Variants in KIF13A observed in about 807,000 individuals in gnomAD.
KIF13A encodes kinesin-like protein KIF13A.
In KIF13A, 79 loss-of-function variants were observed where a neutral mutation model predicts 212.2. That is an observed-to-expected ratio of 0.37 (90% CI 0.31 to 0.45). The LOEUF (loss-of-function observed/expected upper bound fraction) is 0.45. Ranked by LOEUF, KIF13A falls within the 20% of genes least tolerant of loss-of-function variation. The pLI is 1.00. For synonymous variants in KIF13A, 789 were observed against 808.6 expected, an observed-to-expected ratio of 0.98 and a Z score of 0.41; for missense variants, 1,901 against 2,209.0, an observed-to-expected ratio of 0.86 and a Z score of 2.79.
In KIF13A at chr6:17,789,829, G is replaced by A; in HGVS notation, c.3261+43C>T. 1 of 1,567,604 alleles carries A rather than the reference G, an allele frequency of 6.4e-7. No individual in the cohort carries two copies. Among genetic ancestry groups the A allele is most frequent in the Non-Finnish European group, 8.8e-7 (1 of 1,140,680 alleles). ...GCTTTGCGAATGCTGGCAATTAGCA[G>A]TAGCTGTGCCCCATGCCACAGGATT... On this transcript the variant is annotated intron_variant, in intron 26 of 38. Transcript: ENST00000259711. The surrounding 1 kb of genome is among the most constrained non-coding windows in gnomAD (Gnocchi z 4.8).
chr6:17,862,576 G>C (rs1182015826), intron 4 of KIF13A, among the ~76,000 whole-genome samples: 1 of 152,140 alleles, frequency 6.6e-6, no homozygotes, highest in East Asian at 1.9e-4. Context: ...GCTGAGGTGG[G>C]AGGATCTCTT....
intron 17 of KIF13A, among the ~76,000 whole-genome samples, chr6:17,813,942 GTGC>G (rs1338242414): frequency 7.4e-4 from 106 of 143,064 alleles, no homozygotes; most frequent in Middle Eastern, 3.6e-3. Context: ...TAGATGTAAG[GTGC>G]TGCTTTTTTT....
intron 2 of KIF13A, among the ~76,000 whole-genome samples, chr6:17,937,379 C>T (rs777131125): frequency 6.6e-5 from 10 of 152,268 alleles, no homozygotes; most frequent in South Asian, 2.1e-4. Context: ...GCATTGATCT[C>T]GGCAGTGATC....
In KIF13A at chr6:17,786,291, C is replaced by T. The variant is rs996526212; in HGVS notation, c.3362-650G>A. Among the ~76,000 whole-genome samples, 2 of 152,080 alleles carry T rather than the reference C, an allele frequency of 1.3e-5. No homozygotes were observed. The highest frequency in any genetic ancestry group is 4.8e-5 in the African/African-American group (2 of 41,424). On this transcript the variant is annotated intron_variant, in intron 27 of 38. Transcript: ENST00000259711. This position sits in a 1 kb window ranked among gnomAD's most constrained non-coding sequence, Gnocchi z 5.4. ...CTTTATAGAACTATACATGATGTTA[C>T]AAAGACAGGATTAAAAAACACCATA...
At chr6:17,759,650 T>C (rs1758501199), downstream of KIF13A, 1 of 152,220 alleles carries the variant, frequency 6.6e-6, no homozygotes, top group Non-Finnish European at 1.5e-5. Context: ...TGTAGGAGAA[T>C]TTTACAAATG....
chr6:17,936,797 T>C (rs543448812), intron 2 of KIF13A, among the ~76,000 whole-genome samples: 16 of 152,176 alleles, frequency 1.1e-4, no homozygotes, highest in Non-Finnish European at 2.1e-4. Context: ...GAAATTTCTA[T>C]AAAGCAGATT....
In KIF13A at chr6:17,785,893, G is replaced by A. The variant is rs754775298; in HGVS notation, c.3362-252C>T. On this transcript the variant is annotated intron_variant, in intron 27 of 38. Transcript: ENST00000259711. This position sits in a 1 kb window ranked among gnomAD's most constrained non-coding sequence, Gnocchi z 5.8. ...CATCACATTACTGTACTAAAGCCTGGGCAACAGACAAGAGACCCTGTCTCA... is the reference window on the plus strand; with the variant it reads ...CATCACATTACTGTACTAAAGCCTGAGCAACAGACAAGAGACCCTGTCTCA... Among the ~76,000 whole-genome samples the A allele has an allele frequency of 5.9e-5, 9 of 152,004 alleles. No homozygotes were observed. Among genetic ancestry groups the A allele is most frequent in the Non-Finnish European group, 1.0e-4 (7 of 68,010 alleles).
At position 17,777,080 on chromosome 6, in the gene KIF13A, A is replaced by G. The variant is rs1390137173; in HGVS notation, c.4170+197T>C. 2.0e-5 allele frequency among the ~76,000 whole-genome samples: 3 copies of G among 152,212 alleles called. No individual in the cohort carries two copies. The highest frequency in any genetic ancestry group is 3.9e-4 in the East Asian group (2 of 5,192). On this transcript the variant is annotated intron_variant, in intron 34 of 38. Transcript: ENST00000259711. The surrounding 1 kb of genome is among the most constrained non-coding windows in gnomAD (Gnocchi z 4.4). ...GAGATAACTTGCTGAACAGGAATTCATAAGATTGAACAAATGGCTCAGTCT... is the reference window on the plus strand; with the variant it reads ...GAGATAACTTGCTGAACAGGAATTCGTAAGATTGAACAAATGGCTCAGTCT...
chr6:17,979,401 TAAGAAA>T (rs1328396469), intron 2 of KIF13A, among the ~76,000 whole-genome samples: 2 of 152,354 alleles, frequency 1.3e-5, no homozygotes, highest in African/African-American at 2.4e-5. Flanking sequence ...TCGATGTTCT[TAAGAAA>T]AAGAAAATTA....
intron 33 of KIF13A, 37 bp downstream of exon 33, chr6:17,778,910 G>A (rs1760231920): frequency 6.4e-7 from 1 of 1,552,096 alleles, no homozygotes; most frequent in Non-Finnish European, 8.7e-7. Flanking sequence ...GTGAAGGCTG[G>A]TGCTTTCATC....
chr6:17,819,756 T>C (rs1458670561), intron 16 of KIF13A, among the ~76,000 whole-genome samples: 2 of 152,156 alleles, frequency 1.3e-5, no homozygotes, highest in African/African-American at 4.8e-5. Flanking sequence ...GGTAAAATTT[T>C]TTTGAGGGCA....
intron 2 of KIF13A, among the ~76,000 whole-genome samples, chr6:17,930,387 C>T (rs993017497): frequency 5.9e-5 from 9 of 152,080 alleles, no homozygotes; most frequent in African/African-American, 1.2e-4. Flanking sequence ...GTAACAAATT[C>T]CTCAGGTGAT....
intron 4 of KIF13A, among the ~76,000 whole-genome samples, chr6:17,860,017 C>A (rs1768586294): frequency 6.6e-6 from 1 of 152,130 alleles, no homozygotes; most frequent in African/African-American, 2.4e-5. Flanking sequence ...CCCAAGATCT[C>A]ATTATCAGTG....
At chr6:17,817,710 A>AAG (rs1764073466) in intron 16 of KIF13A, among the ~76,000 whole-genome samples, 1 of 152,218 alleles carries the variant, frequency 6.6e-6, no homozygotes, top group African/African-American at 2.4e-5. Flanking sequence ...AAATCCTATT[A>AAG]CTATTGAATT....
chr6:17,822,035 C>T, intron 16 of KIF13A: 1 of 669,004 alleles, frequency 1.5e-6, no homozygotes, highest in Non-Finnish European at 2.3e-6. Context: ...TAGGGGGAAA[C>T]ATAACTTCTT....
intron 2 of KIF13A, among the ~76,000 whole-genome samples, chr6:17,979,787 T>TA (rs1483922445): frequency 2.3e-5 from 3 of 133,196 alleles, no homozygotes; most frequent in African/African-American, 8.3e-5. Flanking sequence ...AAAGAGAGAC[T>TA]AAAAAAAGAG....
intron 4 of KIF13A, among the ~76,000 whole-genome samples, chr6:17,861,503 C>T (rs1408703848): frequency 6.6e-6 from 1 of 152,096 alleles, no homozygotes; most frequent in East Asian, 1.9e-4. Context: ...TGTGCAGTTT[C>T]CTATTGACTT....
Position 17,850,454 on chromosome 6 carries a change from T to C in KIF13A, c.586A>G (p.Ile196Val), listed in dbSNP as rs1281211512. The change falls in exon 8 of 39, where the codon ATT (isoleucine) becomes GTT (valine). Residue 196 changes from isoleucine (I) to valine (V), a missense_variant. Ile to Val is a conservative substitution (Grantham distance 29). This residue lies in a region of KIF13A where 506 missense variants were observed against 637.4 expected (regional missense o/e 0.79). Transcript: ENST00000259711. The surrounding 1 kb of genome is among the most constrained non-coding windows in gnomAD (Gnocchi z 6.2). ...TTTCCCTCAGACATCAATGACTCAA[T>C]ATCCTAGGGGCAAAGCATAAGGAAA... The part of the protein sequence containing the change: ...SQLAVTSFED[I>V]ESLMSEGNKS... The C allele has an allele frequency of 1.2e-6, 2 of 1,612,288 alleles. No individual in the cohort carries two copies. The highest frequency in any genetic ancestry group is 1.7e-6 in the Non-Finnish European group (2 of 1,179,104).
Position 17,769,826 on chromosome 6 carries a change from G to A in KIF13A, c.4581+1288C>T, listed in dbSNP as rs1759332099. On this transcript the variant is annotated intron_variant, in intron 38 of 38. Coordinates refer to ENST00000259711, the MANE Select transcript of KIF13A (RefSeq NM_022113.6). The surrounding 1 kb of genome is among the most constrained non-coding windows in gnomAD (Gnocchi z 5.8). ...AATTGAGCAGAGGGTGGTCAGGTAA[G>A]TGAGAGAACAGCTCAGTAAGATTTG... Among the ~76,000 whole-genome samples the A allele has an allele frequency of 1.3e-5, 2 of 152,150 alleles. No individual in the cohort carries two copies. The highest frequency in any genetic ancestry group is 1.3e-4 in the Admixed American group (2 of 15,274).
Sources: gnomAD v4.1 joint callset for allele counts (sites outside exome capture counted in the v4.1 genomes callset) on GRCh38, gnomAD v4.1.1 for gene constraint, gnomAD v4.1.1 regional missense constraint, Gnocchi (gnomAD v3.1) non-coding constraint, MANE v1.5 for transcripts, NCBI Gene and HGNC (gene_info 2026-07-23, HGNC 2026-07-21) for gene names.